The following NRXN1 variants were observed in gnomAD, a reference collection of about 807,000 sequenced individuals.
NRXN1 encodes neurexin 1.
Under a neutral mutation model 150.9 loss-of-function variants are expected in NRXN1, and 39 were observed. The observed-to-expected ratio is 0.26, with a 90% CI of 0.20 to 0.34. The LOEUF (loss-of-function observed/expected upper bound fraction) is 0.34, where lower values mean the gene tolerates loss of function less well. NRXN1 is among the 10% of genes least tolerant of loss of function. NRXN1 has a pLI of 1.00. For missense variants in NRXN1, 1,815 were observed against 1,949.9 expected, an observed-to-expected ratio of 0.93 and a Z score of 1.30; for synonymous variants, 924 against 757.0, an observed-to-expected ratio of 1.22 and a Z score of -3.62.
At chr2:50,903,374 T>G (rs1410918571) in intron 5 of NRXN1, among the ~76,000 whole-genome samples, 7 of 152,212 alleles carry the variant, frequency 4.6e-5, no homozygotes. Flanking sequence ...TAGGAAGACA[T>G]TAACATGGTT....
intron 17 of NRXN1, among the ~76,000 whole-genome samples, chr2:50,317,630 A>C (rs6738658): frequency 0.25 from 37,511 of 151,890 alleles, 5,620 homozygotes; most frequent in East Asian, 0.53. Context: ...TAATGTATAT[A>C]AAACAAAGGA....
chr2:50,215,954 T>A (rs1172918729), intron 18 of NRXN1, among the ~76,000 whole-genome samples: 4 of 152,124 alleles, frequency 2.6e-5, no homozygotes, highest in African/African-American at 9.6e-5. Context: ...AACCTCATAT[T>A]CAGTTGGTGA....
At chr2:50,070,311 T>C (rs1429724279) in intron 19 of NRXN1, among the ~76,000 whole-genome samples, 2 of 152,212 alleles carry the variant, frequency 1.3e-5, no homozygotes, top group South Asian at 2.1e-4. Flanking sequence ...AGTCAATGGC[T>C]GCTCTTTGCA....
At chr2:50,902,793 T>C (rs901757287) in intron 5 of NRXN1, among the ~76,000 whole-genome samples, 2 of 152,132 alleles carry the variant, frequency 1.3e-5, no homozygotes, top group Non-Finnish European at 2.9e-5. Context: ...AAGTCAAATG[T>C]CATTGTCCCT....
At chr2:50,407,375 T>C (rs2082823225) in intron 17 of NRXN1, among the ~76,000 whole-genome samples, 1 of 152,186 alleles carries the variant, frequency 6.6e-6, no homozygotes, top group Admixed American at 6.5e-5. Context: ...GATACTATTA[T>C]CCTCTCTGCA....
chr2:50,786,712 T>A (rs1705169128), intron 5 of NRXN1, among the ~76,000 whole-genome samples: 1 of 152,150 alleles, frequency 6.6e-6, no homozygotes, highest in Non-Finnish European at 1.5e-5. Flanking sequence ...TCCTCCCTTT[T>A]GTCTTCTACA....
intron 17 of NRXN1, among the ~76,000 whole-genome samples, chr2:50,416,387 C>T (rs2083541543): frequency 6.6e-6 from 1 of 152,076 alleles, no homozygotes; most frequent in South Asian, 2.1e-4. Context: ...CTGTACCTAC[C>T]TTAAGCTTTG....
chr2:50,046,245 A>G (rs1250561724), intron 21 of NRXN1, among the ~76,000 whole-genome samples: 1 of 152,044 alleles, frequency 6.6e-6, no homozygotes, highest in Non-Finnish European at 1.5e-5. Flanking sequence ...GTCCTCATGG[A>G]CCTCACGATA....
chr2:50,851,341 C>T (rs1162100979), intron 5 of NRXN1, among the ~76,000 whole-genome samples: 1 of 152,112 alleles, frequency 6.6e-6, no homozygotes, highest in East Asian at 1.9e-4. Context: ...TCGAGTTTCT[C>T]AGGGACTCTC....
chr2:50,815,244 G>A (rs1246446150), intron 5 of NRXN1, among the ~76,000 whole-genome samples: 2 of 152,090 alleles, frequency 1.3e-5, no homozygotes, highest in African/African-American at 4.8e-5. Context: ...GACAGACACC[G>A]ATCTCCAGTG....
At chr2:50,742,306 C>A (rs890420792) in intron 5 of NRXN1, among the ~76,000 whole-genome samples, 2 of 151,140 alleles carry the variant, frequency 1.3e-5, no homozygotes, top group Non-Finnish European at 1.5e-5. Context: ...CCTTAAATTG[C>A]CACTTATACA....
intron 17 of NRXN1, among the ~76,000 whole-genome samples, chr2:50,356,179 A>G (rs1196568285): frequency 6.6e-6 from 1 of 152,188 alleles, no homozygotes; most frequent in Non-Finnish European, 1.5e-5. Context: ...TAATGGAAAT[A>G]CTGTCACCAT....
intron 21 of NRXN1, among the ~76,000 whole-genome samples, chr2:50,015,310 A>G (rs1291605981): frequency 6.6e-6 from 1 of 151,994 alleles, no homozygotes; most frequent in Non-Finnish European, 1.5e-5. Context: ...AAGCAAGGAA[A>G]AGAATGCTAG....
intron 5 of NRXN1, among the ~76,000 whole-genome samples, chr2:50,729,981 CCTT>C (rs762355149): frequency 3.0e-4 from 45 of 152,330 alleles, no homozygotes; most frequent in Non-Finnish European, 4.9e-4. Context: ...TTTCTAAAGA[CCTT>C]CTTGACTAAA....
At chr2:50,812,105 A>T (rs1194747826) in intron 5 of NRXN1, among the ~76,000 whole-genome samples, 1 of 152,186 alleles carries the variant, frequency 6.6e-6, no homozygotes, top group East Asian at 1.9e-4. Context: ...GTACTTTTCA[A>T]AAAACTTGGT....
chr2:50,929,803 T>C (rs1261714244), intron 2 of NRXN1, among the ~76,000 whole-genome samples: 1 of 152,100 alleles, frequency 6.6e-6, no homozygotes, highest in Non-Finnish European at 1.5e-5. Flanking sequence ...TTAGTTCCCA[T>C]GGTGGCACAG....
intron 18 of NRXN1, among the ~76,000 whole-genome samples, chr2:50,171,538 C>T (rs1315348560): frequency 6.6e-6 from 1 of 152,014 alleles, no homozygotes; most frequent in African/African-American, 2.4e-5. Context: ...GTTACTTCAA[C>T]TGGGTCACTC....
intron 19 of NRXN1, among the ~76,000 whole-genome samples, chr2:50,056,792 T>A (rs1693711713): frequency 6.6e-6 from 1 of 152,158 alleles, no homozygotes; most frequent in Non-Finnish European, 1.5e-5. Context: ...CATGTGTAAT[T>A]TGAAAAGCAA....
intron 17 of NRXN1, among the ~76,000 whole-genome samples, chr2:50,240,468 C>A (rs1350544769): frequency 3.3e-5 from 5 of 151,638 alleles, no homozygotes; most frequent in Admixed American, 6.6e-5. Flanking sequence ...TACAAAATCT[C>A]CTATATTCTT....
Sources: allele counts gnomAD v4.1 joint callset (sites outside exome capture counted in the v4.1 genomes callset), GRCh38; gene constraint gnomAD v4.1.1; transcripts MANE v1.5; gene names NCBI Gene and HGNC (gene_info 2026-07-23, HGNC 2026-07-21).